The following AGO2 variants were observed in gnomAD, a reference collection of about 807,000 sequenced individuals.
The protein encoded by AGO2 is protein argonaute-2.
Under a neutral mutation model 102.3 loss-of-function variants are expected in AGO2, and 5 were observed. The ratio of observed to expected loss-of-function variants is 0.05; its 90% CI spans 0.03 to 0.10. AGO2 has a LOEUF of 0.10. AGO2 is among the 10% of genes least tolerant of loss of function. The pLI, the probability that AGO2 is intolerant of heterozygous loss-of-function variation, is 1.00. For synonymous variants in AGO2, 449 were observed against 473.1 expected (o/e 0.95, Z 0.66); for missense variants, 541 against 1,183.7 (o/e 0.46, Z 7.97).
At chr8:140,556,499 C>T (rs888842056) in intron 8 of AGO2, among the ~76,000 whole-genome samples, 11 of 152,160 alleles carry the variant, frequency 7.2e-5, no homozygotes, top group Admixed American at 6.5e-4. Context: ...CCCCACGTCA[C>T]GCGAACACAG....
At chr8:140,597,129 A>G (rs2073857283) in intron 1 of AGO2, among the ~76,000 whole-genome samples, 1 of 152,162 alleles carries the variant, frequency 6.6e-6, no homozygotes, top group South Asian at 2.1e-4. Flanking sequence ...TCAGCAGAAG[A>G]GCTGTTTCGT....
intron 1 of AGO2, among the ~76,000 whole-genome samples, chr8:140,618,501 T>G (rs2074171854): frequency 1.3e-5 from 2 of 149,574 alleles, no homozygotes. Flanking sequence ...CCAGAACTAT[T>G]GTAAATATAC....
At chr8:140,609,566 A>G (rs1369635021) in intron 1 of AGO2, among the ~76,000 whole-genome samples, 3 of 152,162 alleles carry the variant, frequency 2.0e-5, no homozygotes, top group Non-Finnish European at 2.9e-5. Context: ...GGAATCTGCC[A>G]TCTCAATGAG....
rs1281077537 is a variant in AGO2, at chr8:140,629,152, C to G, written c.22+6333G>C. 2.0e-5 allele frequency among the ~76,000 whole-genome samples: 3 copies of G among 152,158 alleles called. No individual in the cohort carries two copies. The East Asian group carries it at 5.8e-4, about 29-fold the overall frequency. ...CTAAAAACTAATAATAAACGCGCGA[C>G]TCTGGGGCCACGGACTTTTTTGACA... is the stretch of plus-strand genomic sequence containing the variant. On this transcript the variant is annotated intron_variant, in intron 1 of 18. Coordinates refer to ENST00000220592, the MANE Select transcript of AGO2 (RefSeq NM_012154.5).
intron 10 of AGO2, 124 bp from the exon 11 acceptor site, chr8:140,551,560 G>T: frequency 8.8e-7 from 1 of 1,137,182 alleles, no homozygotes; most frequent in Non-Finnish European, 1.1e-6. Flanking sequence ...AAGAACTTTT[G>T]TGTTGTCTCC....
At chr8:140,566,283 G>A (rs553832987) in intron 3 of AGO2, among the ~76,000 whole-genome samples, 53 of 152,212 alleles carry the variant, frequency 3.5e-4, no homozygotes, top group African/African-American at 1.2e-3. Context: ...TCTTGCTGCC[G>A]CCATGTAAGA....
chr8:140,525,330 A>C lies in AGO2; in HGVS notation c.*6714T>G, dbSNP rs2072484064. The C allele has an allele frequency of 6.6e-6, 1 of 151,864 alleles. No homozygotes were observed. The highest frequency in any genetic ancestry group is 2.1e-4 in the South Asian group (1 of 4,792). 9.4% of individuals were successfully genotyped at this position (151,864 alleles called of 1,614,324 possible). On this transcript the variant is annotated 3_prime_UTR_variant, in exon 19 of 19. Transcript: ENST00000220592. ...TGAGTCGAGGGGCGAGCGGCTGTGC[A>C]GTGTCCCCTCGAAACACCCTGGACC...
In AGO2 at chr8:140,557,840, G is replaced by A. The variant is rs2073126941; in HGVS notation, c.879-604C>T. ...CCCTTCCCCCAATCCAGACTGCCGG[G>A]CCATCTGCAGCCTCTGCCAGGCCAC... is the stretch of plus-strand genomic sequence containing the variant. On this transcript the variant is annotated intron_variant, in intron 7 of 18. Transcript: ENST00000220592. This position sits in a 1 kb window ranked among gnomAD's most constrained non-coding sequence, Gnocchi z 5.9. Among the ~76,000 whole-genome samples, 2 of 152,342 alleles carry A rather than the reference G, an allele frequency of 1.3e-5. No individual in the cohort carries two copies. The highest frequency in any genetic ancestry group is 4.1e-4 in the South Asian group (2 of 4,830).
chr8:140,536,020 C>T (rs1006779993), intron 16 of AGO2, among the ~76,000 whole-genome samples: 3 of 152,234 alleles, frequency 2.0e-5, no homozygotes, highest in Admixed American at 6.5e-5. Context: ...AGGCTCTGAA[C>T]GCTGTCAGGA....
chr8:140,617,851 T>C (rs75327206), intron 1 of AGO2, among the ~76,000 whole-genome samples: 10,278 of 151,668 alleles, frequency 0.068, 788 homozygotes, highest in African/African-American at 0.19. Context: ...ACCCTGTCTC[T>C]ACTAAAAAAT....
At chr8:140,638,990 A>G (rs2074426441), upstream of AGO2, among the ~76,000 whole-genome samples, 1 of 151,934 alleles carries the variant, frequency 6.6e-6, no homozygotes, top group Non-Finnish European at 1.5e-5. Context: ...TAATCCTCCT[A>G]CCTCAGCCTC....
chr8:140,633,342 G>A (rs978978321), intron 1 of AGO2, among the ~76,000 whole-genome samples: 2 of 152,194 alleles, frequency 1.3e-5, no homozygotes, highest in East Asian at 3.9e-4. Flanking sequence ...ATTACAGCAC[G>A]TTTGTACAAC....
chr8:140,590,186 G>T (rs576754912), intron 1 of AGO2, among the ~76,000 whole-genome samples: 1 of 152,184 alleles, frequency 6.6e-6, no homozygotes. Flanking sequence ...CAGCTGTGCA[G>T]GGATGGCTGG....
At chr8:140,549,547 C>T (rs960392195) in intron 11 of AGO2, among the ~76,000 whole-genome samples, 6 of 152,248 alleles carry the variant, frequency 3.9e-5, no homozygotes, top group African/African-American at 7.2e-5. Flanking sequence ...AAGTCACATG[C>T]GGCTAACTTG....
intron 12 of AGO2, 88 bp downstream of exon 12, chr8:140,549,026 A>G (rs3824191): frequency 0.37 from 545,397 of 1,461,244 alleles, 104,065 homozygotes; most frequent in East Asian, 0.56. Flanking sequence ...TTCTCAGTGC[A>G]GCAGAAACAC....
At chr8:140,597,933 C>T (rs1207869155) in intron 1 of AGO2, among the ~76,000 whole-genome samples, 2 of 152,228 alleles carry the variant, frequency 1.3e-5, no homozygotes, top group East Asian at 1.9e-4. Flanking sequence ...TGACCCTGCC[C>T]ACCAGGGGCC....
intron 1 of AGO2, among the ~76,000 whole-genome samples, chr8:140,606,265 G>A (rs1238158857): frequency 6.6e-6 from 1 of 152,194 alleles, no homozygotes; most frequent in East Asian, 1.9e-4. Context: ...CCCATTTCCA[G>A]CGCAGGAAGA....
intron 16 of AGO2, among the ~76,000 whole-genome samples, chr8:140,538,456 C>G (rs1029799158): frequency 1.3e-5 from 2 of 152,186 alleles, no homozygotes; most frequent in African/African-American, 4.8e-5. Context: ...ACTAGGAATA[C>G]GGAAAACACT....
chr8:140,603,771 C>T (rs1443019976), intron 1 of AGO2, among the ~76,000 whole-genome samples: 2 of 152,232 alleles, frequency 1.3e-5, no homozygotes, highest in African/African-American at 4.8e-5. Context: ...CTGTGGCGGA[C>T]TGGGCTGGGG....
Sources: gnomAD v4.1 joint callset for allele counts (sites outside exome capture counted in the v4.1 genomes callset) on GRCh38, gnomAD v4.1.1 for gene constraint, Gnocchi (gnomAD v3.1) non-coding constraint, MANE v1.5 for transcripts, NCBI Gene and HGNC (gene_info 2026-07-23, HGNC 2026-07-21) for gene names.